The following TDRD12 variants were observed in gnomAD, a reference collection of about 807,000 sequenced individuals.
TDRD12 encodes tudor domain containing 12, also known as putative ATP-dependent RNA helicase TDRD12.
Under a neutral mutation model 133.5 loss-of-function variants are expected in TDRD12, and 158 were observed. That is an observed-to-expected ratio of 1.18 (90% confidence interval 1.04 to 1.35). TDRD12 has a LOEUF of 1.35. Among genes scored for constraint, TDRD12 ranks in the 40% most tolerant of loss-of-function variants. The pLI is 0.00. For synonymous variants in TDRD12, 460 were observed against 477.9 expected (o/e 0.96, Z 0.49); for missense variants, 1,443 against 1,321.3 (o/e 1.09, Z -1.43).
chr19:32,790,775 G>T, intron 12 of TDRD12, 184 bp downstream of exon 12: 3 of 1,499,642 alleles, frequency 2.0e-6, no homozygotes. Context: ...ATTGTTCCTT[G>T]TTTTTTGGAT....
intron 11 of TDRD12, among the ~76,000 whole-genome samples, chr19:32,786,379 T>C (rs1388466821): frequency 1.3e-5 from 2 of 152,164 alleles, no homozygotes; most frequent in East Asian, 1.9e-4. Flanking sequence ...ATTTCAACCT[T>C]GTGAATCTGA....
At chr19:32,774,825 A>G (rs1436778883) in intron 10 of TDRD12, among the ~76,000 whole-genome samples, 4 of 152,082 alleles carry the variant, frequency 2.6e-5, no homozygotes, top group African/African-American at 9.7e-5. Flanking sequence ...TCTACTGAAA[A>G]TAAAAAAAAG....
intron 14 of TDRD12, 142 bp from the exon 15 acceptor site, chr19:32,797,593 G>T: frequency 2.0e-6 from 1 of 496,550 alleles, no homozygotes; most frequent in Non-Finnish European, 3.5e-6. Flanking sequence ...AAATTATATC[G>T]TCACTTTTCT....
At chr19:32,819,797 T>A (rs1599630218) in intron 27 of TDRD12, among the ~76,000 whole-genome samples, 1 of 152,160 alleles carries the variant, frequency 6.6e-6, no homozygotes, top group African/African-American at 2.4e-5. Context: ...GACTTGGCGG[T>A]TGGCAGATGT....
At position 32,720,093 on chromosome 19, in the gene TDRD12, G is replaced by A. The variant is rs1422215747; in HGVS notation, c.21G>A (p.Leu7=). The A allele has an allele frequency of 1.0e-5, 16 of 1,547,980 alleles. No homozygotes were observed. In the South Asian group the frequency reaches 1.4e-4, roughly 14 times the overall value. Residue 7 remains leucine (L), a synonymous_variant, in exon 1 of 28, where the codon CTG becomes CTA. Coordinates refer to ENST00000444215, the Ensembl canonical transcript of TDRD12. ...GGAGGATGCTCCAGCTCCTGGTGCT[G>A]AAGGTGAGCGCCGCCAAGCCAGACC...
exon 10 of TDRD12, chr19:32,827,372 C>CTT (rs549327733): frequency 3.2e-3 from 393 of 122,298 alleles, no homozygotes; most frequent in African/African-American, 3.8e-3. Context: ...CTTTTCTTTT[C>CTT]TTTTTTTTTT....
At position 32,769,887 on chromosome 19, in the gene TDRD12, C is replaced by T. The variant is rs1970398614; in HGVS notation, c.866-2866C>T. Among the ~76,000 whole-genome samples, 3 of 152,158 alleles carry T rather than the reference C, an allele frequency of 2.0e-5. No individual in the cohort carries two copies. The South Asian group carries it at 6.2e-4, about 31-fold the overall frequency. On this transcript the variant is annotated intron_variant, in intron 8 of 27. Coordinates refer to ENST00000444215, the Ensembl canonical transcript of TDRD12. The stretch of plus-strand genomic sequence containing the variant: ...CCGACCTCAGGTGATCCACCCGCCT[C>T]AGCCTCCCAAAGTGTTGGGATTATA...
chr19:32,742,825 C>G, exon 4 of TDRD12: 4 of 1,551,726 alleles, frequency 2.6e-6, no homozygotes, highest in Non-Finnish European at 3.5e-6. Flanking sequence ...CCCTATAGAG[C>G]AAAAAAATTC....
In TDRD12 at chr19:32,772,738, A is replaced by G. The variant is rs1568469391; in HGVS notation, c.866-15A>G. ...TTTTTGGTGTAGCTTTTTTATTACC[A>G]TTTTTATTTTGCAGACAAAGCTGTA... is the stretch of plus-strand genomic sequence containing the variant. On this transcript the variant is annotated splice_polypyrimidine_tract_variant and intron_variant, in intron 8 of 27. Coordinates refer to ENST00000444215, the Ensembl canonical transcript of TDRD12. 6.9e-7 allele frequency: 1 copy of G among 1,452,972 alleles called. No individual in the cohort carries two copies. The allele number at this position is 1,452,972 out of a possible 1,614,324, so 90.0% of individuals were successfully genotyped here. A position where few individuals can be genotyped will look rare whatever the true frequency, so the allele number is the denominator to read the frequency against.
At chr19:32,826,400 T>C in intron 8 of TDRD12, 43 bp downstream of exon 30, 1 of 1,243,170 alleles carries the variant, frequency 8.0e-7, no homozygotes, top group Non-Finnish European at 1.0e-6. Flanking sequence ...AGAAATAATT[T>C]TTAGCATTTT....
chr19:32,748,839 G>A (rs890955041), intron 5 of TDRD12, among the ~76,000 whole-genome samples: 1 of 152,258 alleles, frequency 6.6e-6, no homozygotes, highest in Admixed American at 6.5e-5. Context: ...ATAAATTCAT[G>A]TGGATTTTAT....
intron 22 of TDRD12, 144 bp from the exon 23 acceptor site, chr19:32,809,949 C>T: frequency 8.3e-6 from 4 of 479,508 alleles, no homozygotes; most frequent in South Asian, 1.4e-4. Flanking sequence ...GCTTTTTTGG[C>T]TAGCTTCCTA....
chr19:32,745,541 T>C (rs529406674), intron 4 of TDRD12, among the ~76,000 whole-genome samples: 1 of 152,346 alleles, frequency 6.6e-6, no homozygotes, highest in South Asian at 2.1e-4. Context: ...AATTTCTGCT[T>C]GTTTGCTCAG....
intron 8 of TDRD12, among the ~76,000 whole-genome samples, chr19:32,769,006 G>C (rs779833559): frequency 2.0e-5 from 3 of 152,106 alleles, no homozygotes; most frequent in Non-Finnish European, 4.4e-5. Context: ...GCCTCCCGAA[G>C]TGCTGGGATT....
At position 32,756,182 on chromosome 19, in the gene TDRD12, G is replaced by A; in HGVS notation, c.772+1G>A. ...GGAAAAGATGTTCAAGGAATGGAAG[G>A]TGAGTAGATTCTCATCATATCAATT... On this transcript the variant is annotated splice_donor_variant, in intron 7 of 27. Transcript: ENST00000444215. LOFTEE classifies it high-confidence loss of function. 7.1e-7 allele frequency: 1 copy of A among 1,414,642 alleles called. No homozygotes were observed. Among genetic ancestry groups the A allele is most frequent in the Non-Finnish European group, 9.2e-7 (1 of 1,087,438 alleles). 87.6% of individuals were successfully genotyped at this position (1,414,642 alleles called of 1,614,324 possible). A position where few individuals can be genotyped will look rare whatever the true frequency, so the allele number is the denominator to read the frequency against.
chr19:32,726,738 T>TA (rs1159209332), intron 1 of TDRD12, among the ~76,000 whole-genome samples: 1 of 152,064 alleles, frequency 6.6e-6, no homozygotes. Flanking sequence ...CCCTGTCTCT[T>TA]AAAAAAACAA....
intron 13 of TDRD12, among the ~76,000 whole-genome samples, chr19:32,793,756 A>G (rs1349251938): frequency 1.3e-5 from 2 of 148,686 alleles, no homozygotes; most frequent in Non-Finnish European, 3.0e-5. Flanking sequence ...TGGGCCATCT[A>G]TTGGATCCTT....
chr19:32,738,774 C>G (rs1243364105), intron 2 of TDRD12, 82 bp from the exon 3 acceptor site: 3 of 1,423,048 alleles, frequency 2.1e-6, no homozygotes, highest in Non-Finnish European at 2.8e-6. Context: ...GATTGTGCCA[C>G]TGCACTCCAG....
intron 19 of TDRD12, among the ~76,000 whole-genome samples, chr19:32,802,245 T>C (rs998106580): frequency 1.0e-4 from 15 of 147,666 alleles, no homozygotes; most frequent in African/African-American, 3.7e-4. Flanking sequence ...GATAGTGATA[T>C]ATATGATAGT....
Sources: gnomAD v4.1 joint callset for allele counts (sites outside exome capture counted in the v4.1 genomes callset) on GRCh38, gnomAD v4.1.1 for gene constraint, MANE v1.5 for transcripts, NCBI Gene and HGNC (gene_info 2026-07-23, HGNC 2026-07-21) for gene names.